SRPK2: variants seen among roughly 807,000 people sequenced by gnomAD.
SRPK2 encodes SFRS protein kinase 2.
SRPK2 carries 21 observed loss-of-function variants against 90.8 expected under a neutral mutation model. That is an observed-to-expected ratio of 0.23 (90% CI 0.16 to 0.33). SRPK2 has a LOEUF of 0.33. SRPK2 is among the 10% of genes least tolerant of loss of function. The probability of loss-of-function intolerance (pLI) is 1.00; values close to 1 mark genes in which losing one functional copy is unlikely to be tolerated. For synonymous variants in SRPK2, 288 were observed against 311.1 expected (o/e 0.93, Z 0.78); for missense variants, 620 against 869.0 (o/e 0.71, Z 3.60).
intron 7 of SRPK2, among the ~76,000 whole-genome samples, chr7:105,148,892 C>T (rs903798812): frequency 2.0e-5 from 3 of 152,190 alleles, no homozygotes; most frequent in Non-Finnish European, 2.9e-5. Context: ...AAAATGTTTA[C>T]AAGCAGTATA....
chr7:105,156,303 T>G (rs1584981958), intron 7 of SRPK2, among the ~76,000 whole-genome samples: 2 of 152,334 alleles, frequency 1.3e-5, no homozygotes, highest in Middle Eastern at 6.8e-3. Context: ...TTAACCTCTC[T>G]GGGCTTCTGT....
intron 2 of SRPK2, among the ~76,000 whole-genome samples, chr7:105,335,760 G>A (rs1815024973): frequency 6.6e-6 from 1 of 151,608 alleles, no homozygotes; most frequent in Non-Finnish European, 1.5e-5. Context: ...TCAAGACCAG[G>A]CTGACCAACA....
In SRPK2 at chr7:105,331,843, C is replaced by G. The variant is rs564418699; in HGVS notation, c.71+56805G>C. Among the ~76,000 whole-genome samples the G allele has an allele frequency of 1.1e-4, 16 of 152,260 alleles. No individual in the cohort carries two copies. In the East Asian group the frequency reaches 2.7e-3, roughly 26 times the overall value. On this transcript the variant is annotated intron_variant, in intron 2 of 15. Coordinates refer to ENST00000393651, the MANE Select transcript of SRPK2 (RefSeq NM_182692.3). Reference sequence around the variant, plus strand: ...CATGAAAGTCTCCAAGGCATGACATCAAAGCTGACGACAGAAGGAAGAACT... The same window carrying G: ...CATGAAAGTCTCCAAGGCATGACATGAAAGCTGACGACAGAAGGAAGAACT...
At chr7:105,239,601 T>C (rs952988673) in intron 2 of SRPK2, among the ~76,000 whole-genome samples, 1 of 152,160 alleles carries the variant, frequency 6.6e-6, no homozygotes, top group Non-Finnish European at 1.5e-5. Context: ...AACATACTCC[T>C]AGGAGCTGAC....
At position 105,240,808 on chromosome 7, in the gene SRPK2, GC is replaced by G. The variant is rs373066158; in HGVS notation, c.72-37024del. On this transcript the variant is annotated intron_variant, in intron 2 of 15. Transcript: ENST00000393651. ...ATTAAATATGCTCAATTTATTATGG[GC>G]CTTCAATTTCCACAAATAAAATACT... Among the ~76,000 whole-genome samples the G allele has an allele frequency of 2.5e-3, 379 of 152,156 alleles. 1 individual carries two copies. Among genetic ancestry groups the G allele is most frequent in the African/African-American group, 8.8e-3 (365 of 41,502 alleles).
intron 3 of SRPK2, among the ~76,000 whole-genome samples, chr7:105,170,958 AG>A (rs1790977388): frequency 5.1e-5 from 2 of 39,532 alleles, no homozygotes. Flanking sequence ...AAAGAAAGAA[AG>A]AAAGAAAGAG....
chr7:105,298,890 A>G (rs1810186367), intron 2 of SRPK2: 1 of 657,090 alleles, frequency 1.5e-6, no homozygotes, highest in African/African-American at 2.0e-5. Flanking sequence ...CCAACGCCTC[A>G]TACTCTGTTC....
At chr7:105,283,319 C>T (rs1807591502) in intron 2 of SRPK2, among the ~76,000 whole-genome samples, 1 of 152,188 alleles carries the variant, frequency 6.6e-6, no homozygotes, top group South Asian at 2.1e-4. Flanking sequence ...TATATTCTTA[C>T]TCTTCACACA....
In SRPK2 at chr7:105,323,545, T is replaced by C. The variant is rs571861165; in HGVS notation, c.71+65103A>G. Among the ~76,000 whole-genome samples, 26 of 152,312 alleles carry C rather than the reference T, an allele frequency of 1.7e-4. No individual in the cohort carries two copies. In the East Asian group the frequency reaches 2.5e-3, roughly 15 times the overall value. On this transcript the variant is annotated intron_variant, in intron 2 of 15. Transcript: ENST00000393651. ...TACTTTTGCAAGGGCTGACTCTTAA[T>C]GCAAATAAAATTATAATACTGGCAC...
chr7:105,365,359 G>A (rs977691269), intron 2 of SRPK2, among the ~76,000 whole-genome samples: 3 of 151,468 alleles, frequency 2.0e-5, no homozygotes, highest in African/African-American at 7.3e-5. Context: ...GGTGGCGGGT[G>A]CCTGTAATCC....
At chr7:105,253,894 T>A (rs3823751) in intron 2 of SRPK2, among the ~76,000 whole-genome samples, 93,868 of 139,968 alleles carry the variant, frequency 0.67, 29,740 homozygotes, top group South Asian at 0.79. Flanking sequence ...ATCTTTATTT[T>A]AAAAAAAAAC....
intron 3 of SRPK2, among the ~76,000 whole-genome samples, chr7:105,184,351 T>G (rs1793299952): frequency 6.6e-6 from 1 of 152,172 alleles, no homozygotes; most frequent in African/African-American, 2.4e-5. Flanking sequence ...TTAGGATACC[T>G]TGACAGAATA....
intron 3 of SRPK2, among the ~76,000 whole-genome samples, chr7:105,186,478 A>G (rs561355426): frequency 6.6e-6 from 1 of 152,346 alleles, no homozygotes; most frequent in East Asian, 1.9e-4. Flanking sequence ...TTTTTCACTT[A>G]AAATAATGGC....
chr7:105,201,576 T>C (rs531506008), intron 3 of SRPK2, among the ~76,000 whole-genome samples: 4 of 151,960 alleles, frequency 2.6e-5, no homozygotes, highest in Non-Finnish European at 5.9e-5. Context: ...GTAGAACCTA[T>C]TTGCTGAAGG....
At chr7:105,354,562 C>T (rs1306795780) in intron 2 of SRPK2, among the ~76,000 whole-genome samples, 1 of 152,158 alleles carries the variant, frequency 6.6e-6, no homozygotes, top group Non-Finnish European at 1.5e-5. Context: ...TCCACTCATG[C>T]ATAGCAATGC....
intron 3 of SRPK2, among the ~76,000 whole-genome samples, chr7:105,180,590 T>C (rs1792646151): frequency 6.6e-6 from 1 of 152,140 alleles, no homozygotes; most frequent in South Asian, 2.1e-4. Flanking sequence ...ACCCTGTCTC[T>C]ACTAAAAAAA....
At chr7:105,129,546 T>TAA (rs1801703674) in intron 13 of SRPK2, among the ~76,000 whole-genome samples, 1 of 152,008 alleles carries the variant, frequency 6.6e-6, no homozygotes, top group African/African-American at 2.4e-5. Context: ...AGCTAATTTT[T>TAA]GTATTTTCAG....
At chr7:105,389,099 G>A, upstream of SRPK2, 1 of 887,532 alleles carries the variant, frequency 1.1e-6, no homozygotes, top group Non-Finnish European at 1.3e-6. Context: ...GCCCATGGCC[G>A]CGCTGGCCCT....
intron 3 of SRPK2, among the ~76,000 whole-genome samples, chr7:105,174,491 T>G: frequency 6.6e-6 from 1 of 151,918 alleles, no homozygotes; most frequent in East Asian, 1.9e-4. Flanking sequence ...GATTGTGGGG[T>G]TTCTCTACAT....
Sources: allele counts gnomAD v4.1 joint callset (sites outside exome capture counted in the v4.1 genomes callset), GRCh38; gene constraint gnomAD v4.1.1; transcripts MANE v1.5; gene names NCBI Gene and HGNC (gene_info 2026-07-23, HGNC 2026-07-21).